The following RELN variants were observed in gnomAD, a reference collection of about 807,000 sequenced individuals.
RELN encodes the protein reelin.
In RELN, 108 loss-of-function variants were observed where a neutral mutation model predicts 427.6. The ratio of observed to expected loss-of-function variants is 0.25; its 90% CI spans 0.22 to 0.30. The LOEUF is 0.30. RELN is among the 10% of genes least tolerant of loss of function. The probability of loss-of-function intolerance (pLI) is 1.00; values close to 1 mark genes in which losing one functional copy is unlikely to be tolerated. For missense variants in RELN, 3,715 were observed against 4,302.8 expected, an observed-to-expected ratio of 0.86 and a Z score of 3.82; for synonymous variants, 1,524 against 1,513.4, an observed-to-expected ratio of 1.01 and a Z score of -0.16.
At chr7:103,818,297 A>T (rs984384646) in intron 3 of RELN, among the ~76,000 whole-genome samples, 3 of 152,174 alleles carry the variant, frequency 2.0e-5, no homozygotes, top group Non-Finnish European at 2.9e-5. Flanking sequence ...CTTACAAAAT[A>T]AACATTTAAA....
intron 2 of RELN, among the ~76,000 whole-genome samples, chr7:103,867,764 A>G (rs1245986825): frequency 1.3e-5 from 2 of 152,208 alleles, no homozygotes; most frequent in African/African-American, 4.8e-5. Context: ...TTTAGTAATC[A>G]TACAAGTGGA....
At chr7:103,474,682 T>C (rs1827970955) in intron 64 of RELN, among the ~76,000 whole-genome samples, 1 of 152,146 alleles carries the variant, frequency 6.6e-6, no homozygotes. Flanking sequence ...TGCTCCTTTA[T>C]TCACAAAATC....
At chr7:103,591,359 T>A (rs1478094948) in intron 27 of RELN, among the ~76,000 whole-genome samples, 1 of 152,188 alleles carries the variant, frequency 6.6e-6, no homozygotes, top group Non-Finnish European at 1.5e-5. Context: ...GAGCCATAGC[T>A]CAGGAGGTCA....
At chr7:103,858,296 G>A (rs992596895) in intron 2 of RELN, among the ~76,000 whole-genome samples, 13 of 152,146 alleles carry the variant, frequency 8.5e-5, no homozygotes, top group Admixed American at 3.9e-4. Context: ...AGAATCACTG[G>A]GAGGGTTAAA....
At chr7:103,828,722 C>A (rs1175160307) in intron 3 of RELN, among the ~76,000 whole-genome samples, 3 of 151,808 alleles carry the variant, frequency 2.0e-5, no homozygotes, top group Admixed American at 1.3e-4. Flanking sequence ...AGATCAAACC[C>A]ATGTTCATCA....
chr7:103,673,406 T>C (rs1833438577), intron 11 of RELN, among the ~76,000 whole-genome samples: 1 of 152,172 alleles, frequency 6.6e-6, no homozygotes, highest in Non-Finnish European at 1.5e-5. Flanking sequence ...ATTTCCTTTT[T>C]CTGTTCCCTT....
chr7:103,830,699 T>A (rs778392263), intron 3 of RELN, among the ~76,000 whole-genome samples: 42 of 152,020 alleles, frequency 2.8e-4, no homozygotes, highest in Admixed American at 2.1e-3. Flanking sequence ...TTCAGAAAAT[T>A]TCAAATGAAT....
rs978248682 is a variant in RELN, at chr7:103,539,111, C to T, written c.7147G>A (p.Ala2383Thr). Reference sequence around the variant, plus strand: ...GAGTCTGTGACTGAGCAGGAGGCAGCGAAGTCTATCTGTAGGAAGGAATCC... The same window carrying T: ...GAGTCTGTGACTGAGCAGGAGGCAGTGAAGTCTATCTGTAGGAAGGAATCC... Reference protein sequence around the residue: ...NEDSFLQIDFAASCSVTDSCY... With the variant: ...NEDSFLQIDFTASCSVTDSCY... Residue 2383 changes from alanine to threonine, a missense_variant, in exon 45 of 65, where the codon GCT (alanine) becomes ACT (threonine). Transcript: ENST00000428762. 124 of 1,614,006 alleles carry T rather than the reference C, an allele frequency of 7.7e-5. No homozygotes were observed. The highest frequency in any genetic ancestry group is 1.8e-4 in the South Asian group (16 of 91,086).
chr7:103,672,444 T>C (rs6958285), intron 11 of RELN, among the ~76,000 whole-genome samples: 8,044 of 152,204 alleles, frequency 0.053, 716 homozygotes, highest in African/African-American at 0.18. Flanking sequence ...ACTTACATAC[T>C]TGTCATTTGA....
intron 64 of RELN, among the ~76,000 whole-genome samples, chr7:103,473,569 G>A (rs1031453496): frequency 3.9e-5 from 6 of 152,160 alleles, no homozygotes; most frequent in African/African-American, 1.4e-4. Flanking sequence ...CTAAGAAAGT[G>A]TAACCAAATG....
At chr7:103,899,370 G>A (rs1795031879) in intron 2 of RELN, among the ~76,000 whole-genome samples, 1 of 152,036 alleles carries the variant, frequency 6.6e-6, no homozygotes, top group Non-Finnish European at 1.5e-5. Flanking sequence ...GGTACAACGA[G>A]GAACTGGTAC....
At chr7:103,576,427 A>G (rs1584310952) in intron 28 of RELN, among the ~76,000 whole-genome samples, 1 of 152,290 alleles carries the variant, frequency 6.6e-6, no homozygotes, top group Non-Finnish European at 1.5e-5. Flanking sequence ...GATGTGAGCC[A>G]CCATGCGCAG....
chr7:103,621,681 G>A (rs951582415), intron 20 of RELN, among the ~76,000 whole-genome samples: 9 of 152,060 alleles, frequency 5.9e-5, no homozygotes, highest in Non-Finnish European at 1.2e-4. Context: ...CTCAACCAAG[G>A]CCTATCAAGA....
intron 2 of RELN, among the ~76,000 whole-genome samples, chr7:103,860,153 A>G (rs1453903935): frequency 6.6e-6 from 1 of 152,184 alleles, no homozygotes; most frequent in African/African-American, 2.4e-5. Flanking sequence ...AGATGTTTCT[A>G]TCAATAGAAG....
intron 6 of RELN, among the ~76,000 whole-genome samples, chr7:103,742,965 T>C (rs1286745703): frequency 3.3e-5 from 5 of 151,500 alleles, no homozygotes; most frequent in African/African-American, 4.9e-5. Context: ...AATTGTCAGA[T>C]TCACCAAAGT....
chr7:103,892,376 C>A (rs1260343477), intron 2 of RELN, among the ~76,000 whole-genome samples: 1 of 152,144 alleles, frequency 6.6e-6, no homozygotes, highest in East Asian at 1.9e-4. Context: ...CATGTGACAG[C>A]ACCCACTAAT....
intron 28 of RELN, among the ~76,000 whole-genome samples, chr7:103,580,869 G>A (rs994609911): frequency 6.6e-6 from 1 of 152,094 alleles, no homozygotes; most frequent in Non-Finnish European, 1.5e-5. Flanking sequence ...TTGTATCGTT[G>A]TAGCAATGAT....
At chr7:103,674,280 A>C (rs898558568) in intron 11 of RELN, among the ~76,000 whole-genome samples, 2 of 152,196 alleles carry the variant, frequency 1.3e-5, no homozygotes. Context: ...TCACAAATGC[A>C]GTGTACGCCC....
In RELN at chr7:103,881,746, C is replaced by T. The variant is rs1431525668; in HGVS notation, c.337+35329G>A. 2.6e-5 allele frequency among the ~76,000 whole-genome samples: 4 copies of T among 152,060 alleles called. No homozygotes were observed. The East Asian group carries it at 7.7e-4, about 29-fold the overall frequency. ...TCGGATGTTCCACCCTCAGCAGATG[C>T]CTCATGGAACACAGACAAGCTAACT... On this transcript the variant is annotated intron_variant, in intron 2 of 64. Transcript: ENST00000428762.
Sources: gnomAD v4.1 joint callset for allele counts (sites outside exome capture counted in the v4.1 genomes callset) on GRCh38, gnomAD v4.1.1 for gene constraint, MANE v1.5 for transcripts, NCBI Gene and HGNC (gene_info 2026-07-23, HGNC 2026-07-21) for gene names.